The following EFCAB3 variants were observed in gnomAD, a reference collection of about 807,000 sequenced individuals.
EFCAB3 encodes the protein EF-hand calcium-binding domain-containing protein 3.
In EFCAB3, 36 loss-of-function variants were observed where a neutral mutation model predicts 42.2. The observed-to-expected ratio is 0.85, with a 90% CI of 0.65 to 1.13. The LOEUF (loss-of-function observed/expected upper bound fraction) is 1.13. Among genes scored for constraint, EFCAB3 ranks in the 50% most tolerant of loss-of-function variants. EFCAB3 has a pLI of 0.00. For missense variants in EFCAB3, 418 were observed against 505.1 expected, an observed-to-expected ratio of 0.83 and a Z score of 1.65; for synonymous variants, 170 against 172.8, an observed-to-expected ratio of 0.98 and a Z score of 0.13.
chr17:62,395,028 G>T (rs1398430566), intron 5 of EFCAB3, 40 bp from the exon 6 acceptor site: 4 of 1,606,670 alleles, frequency 2.5e-6, no homozygotes, highest in Non-Finnish European at 3.4e-6. Context: ...TCTTATTTCA[G>T]AAGGTATTTA....
intron 6 of EFCAB3, among the ~76,000 whole-genome samples, chr17:62,396,469 CT>C (rs2070350155): frequency 6.6e-6 from 1 of 151,912 alleles, no homozygotes; most frequent in Non-Finnish European, 1.5e-5. Flanking sequence ...AGGAGAATAG[CT>C]TGAACCTGGG....
chr17:62,395,701 T>C (rs763552810), intron 6 of EFCAB3, among the ~76,000 whole-genome samples: 4 of 152,202 alleles, frequency 2.6e-5, no homozygotes, highest in Admixed American at 1.3e-4. Flanking sequence ...TCTCATCCTT[T>C]AAACCTTTAA....
rs113126115 is a variant in EFCAB3 at position 62,374,665 on chromosome 17, G to C, written c.88+798G>C. On this transcript the variant is annotated intron_variant, in intron 2 of 11. Transcript: ENST00000450662. ...CTGTGAAATTGATCAACAGAGGCAA[G>C]GTAAAACTTGTCTCTGCCCTCTTCC... Among the ~76,000 whole-genome samples the C allele has an allele frequency of 2.0e-3, 298 of 152,230 alleles. 3 individuals carry two copies. The highest frequency in any genetic ancestry group is 7.0e-3 in the African/African-American group (290 of 41,546).
upstream of EFCAB3, chr17:62,377,947 A>T: frequency 3.9e-6 from 6 of 1,537,840 alleles, no homozygotes; most frequent in Non-Finnish European, 5.3e-6. Context: ...TGTAATTTTG[A>T]TTCTTAATCT....
chr17:62,377,047 A>T (rs1357556906), upstream of EFCAB3, among the ~76,000 whole-genome samples: 1 of 152,064 alleles, frequency 6.6e-6, no homozygotes, highest in Non-Finnish European at 1.5e-5. Flanking sequence ...AGCAATAGAG[A>T]GAGAGAGAGA....
intron 6 of EFCAB3, among the ~76,000 whole-genome samples, chr17:62,404,702 A>C (rs938367916): frequency 1.3e-5 from 2 of 152,184 alleles, no homozygotes; most frequent in African/African-American, 4.8e-5. Context: ...AAGCTGAAGC[A>C]GGAGAATCGT....
At chr17:62,408,818 C>T (rs1004992370) in intron 8 of EFCAB3, among the ~76,000 whole-genome samples, 1 of 152,320 alleles carries the variant, frequency 6.6e-6, no homozygotes, top group Non-Finnish European at 1.5e-5. Flanking sequence ...CTTCCTCTTA[C>T]AGACTAGACG....
Position 62,372,870 on chromosome 17 carries a change from T to C in EFCAB3, c.35-944T>C, listed in dbSNP as rs942988510. Among the ~76,000 whole-genome samples the C allele has an allele frequency of 2.6e-5, 4 of 152,214 alleles. No individual in the cohort carries two copies. The South Asian group carries it at 8.3e-4, about 32-fold the overall frequency. On this transcript the variant is annotated intron_variant, in intron 1 of 11. Coordinates refer to the EFCAB3 transcript ENST00000450662. ...CTCCTCCACTACTTCCAACATGTCA[T>C]GCTCCAAACCAACTGAACTACCCAC...
Position 62,373,279 on chromosome 17 carries a change from C to CAAA in EFCAB3, c.35-521_35-519dup, listed in dbSNP as rs66484718. On this transcript the variant is annotated intron_variant, in intron 1 of 11. Transcript: ENST00000450662. ...TGGGTGACAGAGTGAGACCCTGCCT[C>CAAA]AAAAAAAAAAAAAAAATGTAGAAAT... 1.8e-3 allele frequency among the ~76,000 whole-genome samples: 235 copies of CAAA among 131,918 alleles called. 1 individual carries two copies. Among genetic ancestry groups the CAAA allele is most frequent in the East Asian group, 7.2e-3 (31 of 4,334 alleles). The allele number at this position is 131,918 out of a possible 152,430, so 86.5% of individuals were successfully genotyped here.
At chr17:62,402,293 C>A (rs1023955224) in intron 6 of EFCAB3, among the ~76,000 whole-genome samples, 2 of 152,144 alleles carry the variant, frequency 1.3e-5, no homozygotes, top group Non-Finnish European at 2.9e-5. Context: ...CCTTCTCCTG[C>A]CTGATTGCCC....
At chr17:62,413,967 G>A (rs1478081715) in intron 9 of EFCAB3, 113 bp downstream of exon 9, 45 of 1,212,914 alleles carry the variant, frequency 3.7e-5, no homozygotes, top group African/African-American at 6.0e-5. Context: ...TCTTTAAAAT[G>A]AGACAAGGTT....
At chr17:62,378,162 G>C, upstream of EFCAB3, 1 of 643,004 alleles carries the variant, frequency 1.6e-6, no homozygotes. Flanking sequence ...AATGAACACC[G>C]TTATCTCTCC....
chr17:62,380,475 G>A (rs551134258), upstream of EFCAB3: 47 of 758,410 alleles, frequency 6.2e-5, no homozygotes, highest in African/African-American at 8.5e-4. Flanking sequence ...AAGGTTGGAA[G>A]GAGCTCCTGG....
chr17:62,370,295 G>C, exon 1 of EFCAB3: 1 of 1,551,660 alleles, frequency 6.4e-7, no homozygotes, highest in Non-Finnish European at 8.7e-7. Context: ...AGAAATGAAG[G>C]AGTTGATGCC....
chr17:62,414,614 TA>T (rs2070528984), intron 9 of EFCAB3, among the ~76,000 whole-genome samples: 1 of 148,304 alleles, frequency 6.7e-6, no homozygotes, highest in East Asian at 2.0e-4. Context: ...TGTGTGTGTT[TA>T]AATAAGGTCA....
intron 3 of EFCAB3, among the ~76,000 whole-genome samples, chr17:62,388,168 G>A (rs2070271595): frequency 6.6e-6 from 1 of 151,964 alleles, no homozygotes; most frequent in African/African-American, 2.4e-5. Context: ...CCGAGATCGC[G>A]CCACTGCACA....
At chr17:62,403,264 A>G (rs2070419862) in intron 6 of EFCAB3, among the ~76,000 whole-genome samples, 1 of 152,034 alleles carries the variant, frequency 6.6e-6, no homozygotes, top group South Asian at 2.1e-4. Flanking sequence ...CCTACATCCA[A>G]CCAATCACTA....
chr17:62,397,689 T>C (rs2070362486), intron 6 of EFCAB3: 1 of 567,562 alleles, frequency 1.8e-6, no homozygotes, highest in Non-Finnish European at 3.4e-6. Flanking sequence ...TTGAACTTTA[T>C]TGAGAAAAAC....
rs775986144 is a variant in EFCAB3, at chr17:62,407,117, T to C, written c.772T>C (p.Phe258Leu). The C allele has an allele frequency of 2.5e-6, 4 of 1,613,402 alleles. No individual in the cohort carries two copies. The highest frequency in any genetic ancestry group is 2.5e-6 in the Non-Finnish European group (3 of 1,179,702). ...GGATGGGGTGGTGATGGGAAAGCCA[T>C]TCAAAGACATGCAGAAATTAGAGAT... ...NVDGVVMGKPFKDMQKLEMLR... is the reference protein window; with the variant it reads ...NVDGVVMGKPLKDMQKLEMLR... The change falls in exon 8 of 10, where the codon TTC (phenylalanine) becomes CTC (leucine). Residue 258 changes from phenylalanine (F) to leucine (L), a missense_variant. Physicochemically the swap from Phe to Leu is conservative, Grantham distance 22. Coordinates refer to ENST00000305286, the MANE Select transcript of EFCAB3 (RefSeq NM_173503.4).
Sources: allele counts gnomAD v4.1 joint callset (sites outside exome capture counted in the v4.1 genomes callset), GRCh38; gene constraint gnomAD v4.1.1; transcripts MANE v1.5; gene names NCBI Gene and HGNC (gene_info 2026-07-23, HGNC 2026-07-21).